Variants in RAMP1 observed in about 807,000 individuals in gnomAD.
RAMP1 encodes the protein receptor activity modifying protein 1, also known as receptor activity-modifying protein 1.
RAMP1 carries 7 observed loss-of-function variants against 8.2 expected under a neutral mutation model. That is an observed-to-expected ratio of 0.85 (90% confidence interval 0.49 to 1.60). RAMP1 has a LOEUF of 1.60. Ranked by LOEUF, RAMP1 falls within the 40% of genes most tolerant of loss-of-function variation. RAMP1 has a pLI of 0.00. For missense variants in RAMP1, 192 were observed against 202.4 expected (o/e 0.95, Z 0.31); for synonymous variants, 92 against 84.7 (o/e 1.09, Z -0.47).
chr2:237,911,812 C>G lies in RAMP1; in HGVS notation c.*29C>G, dbSNP rs376367038. The stretch of plus-strand genomic sequence containing the variant: ...GGGCCCAGGCTGCCCGCGGGTGCAC[C>G]CAGGCTGCAGGGTGAGGCCAGGCAG... On this transcript the variant is annotated 3_prime_UTR_variant, in exon 3 of 3. Transcript: ENST00000254661. 6.4e-6 allele frequency: 10 copies of G among 1,566,306 alleles called. No homozygotes were observed. The African/African-American group carries it at 1.1e-4, about 17-fold the overall frequency.
At chr2:237,873,766 T>A (rs2062270485) in intron 1 of RAMP1, among the ~76,000 whole-genome samples, 1 of 152,224 alleles carries the variant, frequency 6.6e-6, no homozygotes, top group South Asian at 2.1e-4. Flanking sequence ...GGCAATTTTA[T>A]CCTATTTTAA....
rs1190894102 is a variant in RAMP1 at position 237,862,615 on chromosome 2, A to G, written c.52+2888A>G. Among the ~76,000 whole-genome samples the G allele has an allele frequency of 1.3e-5, 2 of 152,202 alleles. No individual in the cohort carries two copies. The highest frequency in any genetic ancestry group is 2.9e-5 in the Non-Finnish European group (2 of 68,036). On this transcript the variant is annotated intron_variant, in intron 1 of 2. Transcript: ENST00000254661. The surrounding 1 kb of genome is among the most constrained non-coding windows in gnomAD (Gnocchi z 4.0). ...TGGCTGACTGTGTGATGCAGGTGCC[A>G]TGTGTAGTGTGAATTCCAGCGGAAA... is the stretch of plus-strand genomic sequence containing the variant.
rs1409776741 is a variant in RAMP1 at position 237,859,727 on chromosome 2, G to A, written c.52G>A (p.Ala18Thr). ...GCGGCGCGGCCTCTGGCTGCTCCTGGGTGAGTAGGTCCAGGGGTCCCGGCC... is the reference window on the plus strand; with the variant it reads ...GCGGCGCGGCCTCTGGCTGCTCCTGAGTGAGTAGGTCCAGGGGTCCCGGCC... ...LPRRGLWLLL[A>T]HHLFMTTACQ... is the part of the protein sequence containing the mutation. The change falls in exon 1 of 3, where the codon GCC (alanine) becomes ACC (threonine). Residue 18 changes from alanine to threonine, a missense_variant and splice_region_variant. By Grantham distance (58) the Ala-to-Thr change is moderately conservative. Coordinates refer to ENST00000254661, the MANE Select transcript of RAMP1 (RefSeq NM_005855.4). 1.3e-6 allele frequency: 2 copies of A among 1,513,768 alleles called. No individual in the cohort carries two copies. Among genetic ancestry groups the A allele is most frequent in the Non-Finnish European group, 1.8e-6 (2 of 1,131,684 alleles). The allele number at this position is 1,513,768 out of a possible 1,614,324, so 93.8% of individuals were successfully genotyped here.
At chr2:237,909,533 T>C (rs541879868) in intron 2 of RAMP1, among the ~76,000 whole-genome samples, 24 of 152,122 alleles carry the variant, frequency 1.6e-4, no homozygotes, top group African/African-American at 4.8e-4. Flanking sequence ...CTCAGGGCTG[T>C]TCTGTGAAGC....
chr2:237,878,209 C>T lies in RAMP1; in HGVS notation c.191+847C>T, dbSNP rs368498019. Reference sequence around the variant, plus strand: ...ATCTGTCTGTGGGTTCACAGCGCAGCGCAAGTCCTGGTGCCCCACCGATGA... The same window carrying T: ...ATCTGTCTGTGGGTTCACAGCGCAGTGCAAGTCCTGGTGCCCCACCGATGA... On this transcript the variant is annotated intron_variant, in intron 2 of 2. Transcript: ENST00000254661. The surrounding 1 kb of genome is among the most constrained non-coding windows in gnomAD (Gnocchi z 5.7). 2 of 976,212 alleles carry T rather than the reference C, an allele frequency of 2.0e-6. No homozygotes were observed. The highest frequency in any genetic ancestry group is 6.1e-5 in the Admixed American group (1 of 16,268). The allele number at this position is 976,212 out of a possible 1,614,324, so 60.5% of individuals were successfully genotyped here.
chr2:237,897,908 C>T (rs1429089054), intron 2 of RAMP1, among the ~76,000 whole-genome samples: 1 of 152,100 alleles, frequency 6.6e-6, no homozygotes, highest in Non-Finnish European at 1.5e-5. Context: ...AAGCCATTCT[C>T]CTGCCTCAGC....
intron 2 of RAMP1, among the ~76,000 whole-genome samples, chr2:237,907,563 TTC>T (rs2062666432): frequency 6.6e-6 from 1 of 152,040 alleles, no homozygotes; most frequent in Admixed American, 6.6e-5. Flanking sequence ...CATCTTCAAT[TTC>T]TCTCTTTCCT....
chr2:237,868,645 C>G (rs2062213995), intron 1 of RAMP1, among the ~76,000 whole-genome samples: 1 of 151,310 alleles, frequency 6.6e-6, no homozygotes, highest in Admixed American at 6.6e-5. Flanking sequence ...TCTTGAATGC[C>G]TAACGCATTT....
chr2:237,862,460 A>C lies in RAMP1; in HGVS notation c.52+2733A>C, dbSNP rs1460454219. On this transcript the variant is annotated intron_variant, in intron 1 of 2. Coordinates refer to ENST00000254661, the MANE Select transcript of RAMP1 (RefSeq NM_005855.4). The surrounding 1 kb of genome is among the most constrained non-coding windows in gnomAD (Gnocchi z 4.0). ...GAGAAACATTTATATCCACAGTGCA[A>C]ATGGTAGATTCAGCTCCGGGAAATG... is the stretch of plus-strand genomic sequence containing the variant. 6.6e-6 allele frequency among the ~76,000 whole-genome samples: 1 copy of C among 152,176 alleles called. No homozygotes were observed. Among genetic ancestry groups the C allele is most frequent in the African/African-American group, 2.4e-5 (1 of 41,446 alleles).
At chr2:237,901,648 A>T (rs2062597335) in intron 2 of RAMP1, among the ~76,000 whole-genome samples, 1 of 152,156 alleles carries the variant, frequency 6.6e-6, no homozygotes, top group Non-Finnish European at 1.5e-5. Context: ...AATCTGGGAC[A>T]GGTGTAATGG....
At chr2:237,894,361 T>G (rs906319425) in intron 2 of RAMP1, among the ~76,000 whole-genome samples, 3 of 152,240 alleles carry the variant, frequency 2.0e-5, no homozygotes, top group African/African-American at 7.2e-5. Flanking sequence ...AATGGACACA[T>G]TAACTCACCT....
chr2:237,859,847 G>T, intron 1 of RAMP1, 120 bp downstream of exon 1: 1 of 956,254 alleles, frequency 1.0e-6, no homozygotes, highest in Non-Finnish European at 1.4e-6. Context: ...CGCCGCGGGC[G>T]CACAGATCCG....
intron 2 of RAMP1, among the ~76,000 whole-genome samples, chr2:237,910,370 G>A (rs1413289826): frequency 1.3e-5 from 2 of 148,752 alleles, no homozygotes; most frequent in Non-Finnish European, 3.0e-5. Context: ...ATCACACACA[G>A]AGAATAACAC....
intron 2 of RAMP1, among the ~76,000 whole-genome samples, chr2:237,886,118 G>A (rs2062430054): frequency 6.6e-6 from 1 of 152,218 alleles, no homozygotes; most frequent in South Asian, 2.1e-4. Context: ...CAGCCGGGGT[G>A]CCGGGTCCCC....
At chr2:237,891,762 C>T (rs1424442825) in intron 2 of RAMP1, among the ~76,000 whole-genome samples, 1 of 152,148 alleles carries the variant, frequency 6.6e-6, no homozygotes, top group African/African-American at 2.4e-5. Context: ...TGATCTTCAG[C>T]TCCTTTATGT....
intron 2 of RAMP1, among the ~76,000 whole-genome samples, chr2:237,886,806 G>T (rs2062437422): frequency 6.6e-6 from 1 of 152,244 alleles, no homozygotes. Flanking sequence ...TCAGGCCTGT[G>T]CGTCAACGCG....
rs1339896422 is a variant in RAMP1 at position 237,865,085 on chromosome 2, C to T, written c.52+5358C>T. ...TAAAGGAGCCCTCAGCTGTGGCCCC[C>T]AGCATGGGCAGGAGGCCAGGCAAGG... is the stretch of plus-strand genomic sequence containing the variant. On this transcript the variant is annotated intron_variant, in intron 1 of 2. Transcript: ENST00000254661. The surrounding 1 kb of genome is among the most constrained non-coding windows in gnomAD (Gnocchi z 4.2). 6.6e-6 allele frequency among the ~76,000 whole-genome samples: 1 copy of T among 152,060 alleles called. No homozygotes were observed. The highest frequency in any genetic ancestry group is 1.5e-5 in the Non-Finnish European group (1 of 68,000).
At chr2:237,870,760 A>G (rs1445708659) in intron 1 of RAMP1, among the ~76,000 whole-genome samples, 1 of 152,146 alleles carries the variant, frequency 6.6e-6, no homozygotes, top group African/African-American at 2.4e-5. Context: ...GTCTCCCACC[A>G]GGTTCCTAAG....
At chr2:237,882,821 G>T (rs1431206408) in intron 2 of RAMP1, among the ~76,000 whole-genome samples, 1 of 118,290 alleles carries the variant, frequency 8.5e-6, no homozygotes, top group African/African-American at 3.9e-5. Context: ...CCTGCAGGCA[G>T]GCCATCACCA....
Sources: gnomAD v4.1 joint callset for allele counts (sites outside exome capture counted in the v4.1 genomes callset) on GRCh38, gnomAD v4.1.1 for gene constraint, Gnocchi (gnomAD v3.1) non-coding constraint, MANE v1.5 for transcripts, NCBI Gene and HGNC (gene_info 2026-07-23, HGNC 2026-07-21) for gene names.